Variants in MBNL1 observed in about 807,000 individuals in gnomAD.
MBNL1 encodes the protein muscleblind like splicing regulator 1, also known as muscleblind-like protein 1.
In MBNL1, 8 loss-of-function variants were observed where a neutral mutation model predicts 42.2. The ratio of observed to expected loss-of-function variants is 0.19; its 90% confidence interval spans 0.11 to 0.34. The LOEUF (loss-of-function observed/expected upper bound fraction) is 0.34, where lower values mean the gene tolerates loss of function less well. Among genes scored for constraint, MBNL1 ranks in the 10% least tolerant of loss-of-function variants. The pLI is 1.00. For synonymous variants in MBNL1, 169 were observed against 173.9 expected (o/e 0.97, Z 0.22); for missense variants, 309 against 495.3 (o/e 0.62, Z 3.57).
intron 2 of MBNL1, among the ~76,000 whole-genome samples, chr3:152,317,599 C>T (rs187506150): frequency 6.6e-5 from 10 of 152,230 alleles, no homozygotes; most frequent in South Asian, 2.1e-4. Context: ...GGATTACAGG[C>T]GTGAGCCACC....
In MBNL1 at chr3:152,435,214, G is replaced by A. The variant is rs954853130; in HGVS notation, c.549+2294G>A. Among the ~76,000 whole-genome samples the A allele has an allele frequency of 2.0e-5, 3 of 152,180 alleles. No homozygotes were observed. In the South Asian group the frequency reaches 6.2e-4, roughly 32 times the overall value. On this transcript the variant is annotated intron_variant, in intron 4 of 9. Transcript: ENST00000324210. ...TTTAATCCGTCTTGAGTTGATTTTT[G>A]TATATGGTGTAAGGAGGGGGTCCAG...
intron 2 of MBNL1, among the ~76,000 whole-genome samples, chr3:152,404,262 C>T (rs1166212600): frequency 6.6e-6 from 1 of 152,128 alleles, no homozygotes; most frequent in Non-Finnish European, 1.5e-5. Context: ...TTTTACACAT[C>T]TGCTACAGTT....
At chr3:152,257,386 T>G (rs1179003028) in intron 2 of MBNL1, among the ~76,000 whole-genome samples, 1 of 152,172 alleles carries the variant, frequency 6.6e-6, no homozygotes, top group African/African-American at 2.4e-5. Context: ...ACTTGGGGCT[T>G]ATGATCACCC....
chr3:152,430,491 T>A (rs1160381233), intron 3 of MBNL1, among the ~76,000 whole-genome samples: 1 of 152,214 alleles, frequency 6.6e-6, no homozygotes, highest in African/African-American at 2.4e-5. Context: ...ACTCTTTTAG[T>A]CTTCTATGCT....
At chr3:152,305,678 ACTG>A (rs2062744626) in intron 2 of MBNL1, among the ~76,000 whole-genome samples, 1 of 152,188 alleles carries the variant, frequency 6.6e-6, no homozygotes, top group East Asian at 1.9e-4. Context: ...AGTAAAAGCA[ACTG>A]GAAAGGCTTG....
At chr3:152,302,124 G>A (rs541001719) in intron 2 of MBNL1, 80 of 152,200 alleles carry the variant, frequency 5.3e-4, no homozygotes, top group African/African-American at 1.9e-3. Context: ...GAGTAAAGCA[G>A]CAAGGTTGCT....
intron 2 of MBNL1, among the ~76,000 whole-genome samples, chr3:152,414,330 C>T (rs759371854): frequency 5.1e-4 from 78 of 152,160 alleles, no homozygotes; most frequent in Admixed American, 3.9e-4. Flanking sequence ...ACATTTTTCA[C>T]CAGTATTTCA....
At chr3:152,268,631 A>AG (rs2037964226), upstream of MBNL1, 1 of 407,648 alleles carries the variant, frequency 2.5e-6, no homozygotes, top group East Asian at 7.3e-5. Context: ...CGGGAGGCCG[A>AG]GGGGATCCAC....
intron 4 of MBNL1, among the ~76,000 whole-genome samples, chr3:152,442,557 G>A (rs1019913105): frequency 6.6e-6 from 1 of 152,094 alleles, no homozygotes; most frequent in African/African-American, 2.4e-5. Context: ...TTTTAATTAT[G>A]AGATTAAATT....
At chr3:152,378,822 A>C (rs1348064636) in intron 2 of MBNL1, among the ~76,000 whole-genome samples, 1 of 152,026 alleles carries the variant, frequency 6.6e-6, no homozygotes, top group African/African-American at 2.4e-5. Flanking sequence ...GCTCAAGCAA[A>C]CCTCCTATCT....
chr3:152,283,646 A>G (rs2049858688), intron 1 of MBNL1, among the ~76,000 whole-genome samples: 1 of 152,202 alleles, frequency 6.6e-6, no homozygotes, highest in Admixed American at 6.5e-5. Flanking sequence ...AATTACTAAA[A>G]AAGTGAAGGC....
chr3:152,378,608 G>T (rs112790737), intron 2 of MBNL1, among the ~76,000 whole-genome samples: 154 of 152,136 alleles, frequency 1.0e-3, no homozygotes, highest in African/African-American at 3.6e-3. Flanking sequence ...TTTTCTCTTT[G>T]AAATCTTCCA....
intron 2 of MBNL1, among the ~76,000 whole-genome samples, chr3:152,353,029 C>G (rs2095210122): frequency 6.6e-6 from 1 of 152,136 alleles, no homozygotes; most frequent in Admixed American, 6.5e-5. Context: ...GTAGTAAACT[C>G]TCTTAAAATT....
intron 8 of MBNL1, 67 bp downstream of exon 8, chr3:152,456,428 C>G (rs570692914): frequency 1.6e-6 from 2 of 1,287,152 alleles, no homozygotes; most frequent in East Asian, 4.7e-5. Context: ...ACAGCCCTTA[C>G]GCACGTGGAT....
chr3:152,379,527 C>G (rs1306902673), intron 2 of MBNL1, among the ~76,000 whole-genome samples: 1 of 152,142 alleles, frequency 6.6e-6, no homozygotes, highest in Non-Finnish European at 1.5e-5. Context: ...AATTAAAGCA[C>G]TTCTGTTTAT....
chr3:152,293,123 CA>C (rs1311348622), intron 1 of MBNL1, among the ~76,000 whole-genome samples: 1 of 152,136 alleles, frequency 6.6e-6, no homozygotes, highest in Admixed American at 6.5e-5. Flanking sequence ...TTGATGTAAT[CA>C]CAGACCGGAC....
chr3:152,325,087 G>GCCCCCCCCCCCCCCCCCCC (rs532842950), intron 2 of MBNL1, among the ~76,000 whole-genome samples: 1 of 15,366 alleles, frequency 6.5e-5, no homozygotes, highest in Non-Finnish European at 1.4e-4. Context: ...CCACATACCC[G>GCCCCCCCCCCCCCCCCCCC]CCCCCCCCCG....
chr3:152,435,142 A>C (rs2099061548), intron 4 of MBNL1, among the ~76,000 whole-genome samples: 1 of 151,456 alleles, frequency 6.6e-6, no homozygotes, highest in Non-Finnish European at 1.5e-5. Context: ...GGTATTTCCT[A>C]GGTTATCTTC....
chr3:152,376,347 A>G (rs2096899304), intron 2 of MBNL1, among the ~76,000 whole-genome samples: 1 of 152,218 alleles, frequency 6.6e-6, no homozygotes, highest in African/African-American at 2.4e-5. Context: ...TCTCGAGGAA[A>G]CATACATTGA....
Sources: gnomAD v4.1 joint callset for allele counts (sites outside exome capture counted in the v4.1 genomes callset) on GRCh38, gnomAD v4.1.1 for gene constraint, MANE v1.5 for transcripts, NCBI Gene and HGNC (gene_info 2026-07-23, HGNC 2026-07-21) for gene names.